Variants in SYTL2 observed in about 807,000 individuals in gnomAD.
SYTL2 encodes synaptotagmin like 2.
In SYTL2, 165 loss-of-function variants were observed where a neutral mutation model predicts 198.7. The observed-to-expected ratio is 0.83, with a 90% CI of 0.73 to 0.94. The LOEUF (loss-of-function observed/expected upper bound fraction) is 0.94, where lower values mean the gene tolerates loss of function less well. Among genes scored for constraint, SYTL2 ranks in the 40% least tolerant of loss-of-function variants. The pLI, the probability that SYTL2 is intolerant of heterozygous loss-of-function variation, is 0.00. For synonymous variants in SYTL2, 966 were observed against 917.7 expected (o/e 1.05, Z -0.95); for missense variants, 2,835 against 2,582.8 (o/e 1.10, Z -2.12).
At chr11:85,852,835 A>G in the SYTL2 span, 1 of 204,668 alleles carries the variant, frequency 4.9e-6, no homozygotes, top group South Asian at 5.0e-5. Context: ...CTGGCCGCCC[A>G]TCGTCTGGGA....
intron 1 of SYTL2, among the ~76,000 whole-genome samples, chr11:85,789,400 A>ATATATGTATATATATATATAT (rs2092698741): frequency 1.1e-5 from 1 of 89,360 alleles, no homozygotes; most frequent in Non-Finnish European, 2.1e-5. Flanking sequence ...ATATATATAT[A>ATATATGTATATATATATATAT]ATTTTTTTTT....
chr11:85,755,645 A>AT (rs1324218097), intron 2 of SYTL2, among the ~76,000 whole-genome samples: 3 of 152,148 alleles, frequency 2.0e-5, no homozygotes, highest in Non-Finnish European at 4.4e-5. Flanking sequence ...AGAACTTTGC[A>AT]TTTTTTGAGG....
At chr11:85,796,442 A>G (rs1253759089) in intron 1 of SYTL2, among the ~76,000 whole-genome samples, 2 of 152,258 alleles carry the variant, frequency 1.3e-5, no homozygotes, top group Non-Finnish European at 2.9e-5. Flanking sequence ...TCCGAGGCAA[A>G]TATTGCCCCT....
intron 10 of SYTL2, chr11:85,717,762 C>G: frequency 1.8e-6 from 1 of 557,892 alleles, no homozygotes; most frequent in Non-Finnish European, 3.4e-6. Flanking sequence ...AGCATCCTTC[C>G]TGTAATTCAC....
intron 17 of SYTL2, among the ~76,000 whole-genome samples, chr11:85,699,545 TA>T (rs375887775): frequency 9.8e-4 from 148 of 151,300 alleles, no homozygotes; most frequent in African/African-American, 3.3e-3. Flanking sequence ...AAATATGCTT[TA>T]CTTGCCCTCT....
At chr11:85,777,654 C>CA (rs1379355240) in intron 1 of SYTL2, among the ~76,000 whole-genome samples, 4 of 147,908 alleles carry the variant, frequency 2.7e-5, no homozygotes, top group African/African-American at 1.0e-4. Flanking sequence ...CACCCCCTGC[C>CA]AAAAAAAAGA....
At chr11:85,806,980 G>C (rs1262833231) in intron 1 of SYTL2, among the ~76,000 whole-genome samples, 1 of 152,266 alleles carries the variant, frequency 6.6e-6, no homozygotes, top group Non-Finnish European at 1.5e-5. Context: ...GCATCCAGGA[G>C]CACGGCGTAT....
At chr11:85,819,224 A>G in the SYTL2 span, among the ~76,000 whole-genome samples, 2 of 152,230 alleles carry the variant, frequency 1.3e-5, no homozygotes, top group Admixed American at 1.3e-4. Context: ...TCTGCTTCAG[A>G]TTATGTTACC....
the SYTL2 span, among the ~76,000 whole-genome samples, chr11:85,820,302 C>T: frequency 6.6e-6 from 1 of 152,076 alleles, no homozygotes; most frequent in Non-Finnish European, 1.5e-5. Flanking sequence ...TCTATGTAAT[C>T]CTGGGTATTT....
chr11:85,798,314 G>A (rs1305772776), intron 1 of SYTL2, among the ~76,000 whole-genome samples: 6 of 152,118 alleles, frequency 3.9e-5, no homozygotes, highest in Non-Finnish European at 7.4e-5. Flanking sequence ...TTTGGTTTAC[G>A]GAATGACAAG....
chr11:85,697,417 G>T (rs915738270), intron 18 of SYTL2, among the ~76,000 whole-genome samples: 5 of 152,088 alleles, frequency 3.3e-5, no homozygotes, highest in Middle Eastern at 3.2e-3. Context: ...AGAGAAACTA[G>T]GAGAGCATAC....
Position 85,725,388 on chromosome 11 carries a change from C to T in SYTL2, c.3970G>A (p.Val1324Met), listed in dbSNP as rs1003473346. 1.9e-6 allele frequency: 3 copies of T among 1,614,042 alleles called. No individual in the cohort carries two copies. The highest frequency in any genetic ancestry group is 2.5e-6 in the Non-Finnish European group (3 of 1,180,012). The part of the protein sequence containing the change: ...QLSRKGSFGD[V>M]ASPPQDMLFP... ...AGCATATCTTGGGGAGGGCTGGCCA[C>T]ATCCCCAAAAGAACCCTTTCTGGAA... The change falls in exon 8 of 20, where the codon GTG becomes ATG. Residue 1324 changes from valine to methionine, a missense_variant. Physicochemically the swap from Val to Met is conservative, Grantham distance 21. This residue lies in a region of SYTL2 where 2,645 missense variants were observed against 2,381.7 expected (regional missense o/e 1.11). Transcript: ENST00000359152.
chr11:85,819,197 T>C, the SYTL2 span, among the ~76,000 whole-genome samples: 1 of 152,170 alleles, frequency 6.6e-6, no homozygotes, highest in Non-Finnish European at 1.5e-5. Flanking sequence ...TTGTGCTTAC[T>C]TGTTTGCAAA....
chr11:85,806,530 A>G (rs2092960990), intron 1 of SYTL2, among the ~76,000 whole-genome samples: 1 of 152,214 alleles, frequency 6.6e-6, no homozygotes, highest in South Asian at 2.1e-4. Context: ...ATTCCCTTAA[A>G]GCAGTTTTCC....
intron 1 of SYTL2, among the ~76,000 whole-genome samples, chr11:85,795,790 G>A (rs1375349215): frequency 1.3e-5 from 2 of 152,110 alleles, no homozygotes; most frequent in African/African-American, 4.8e-5. Context: ...AGGTGAGCTG[G>A]CTCTGAAATC....
intron 2 of SYTL2, 62 bp from the exon 3 acceptor site, chr11:85,748,485 G>A: frequency 6.5e-7 from 1 of 1,546,130 alleles, no homozygotes; most frequent in Non-Finnish European, 8.9e-7. Flanking sequence ...AGTTCATTAT[G>A]ACACCGCATA....
At chr11:85,740,927 AT>A (rs1339623272) in intron 4 of SYTL2, among the ~76,000 whole-genome samples, 2 of 152,262 alleles carry the variant, frequency 1.3e-5, no homozygotes, top group African/African-American at 4.8e-5. Flanking sequence ...CCGTTTTAAA[AT>A]TATACCACAC....
At chr11:85,741,491 A>G (rs539618191) in intron 4 of SYTL2, among the ~76,000 whole-genome samples, 1 of 152,312 alleles carries the variant, frequency 6.6e-6, no homozygotes, top group African/African-American at 2.4e-5. Flanking sequence ...GATATGAGTA[A>G]ATCTGAGCTC....
At chr11:85,757,480 C>T (rs1434056164) in intron 2 of SYTL2, 145 bp downstream of exon 2, 2 of 893,592 alleles carry the variant, frequency 2.2e-6, no homozygotes, top group East Asian at 4.9e-5. Context: ...AATGTTTTGT[C>T]CAGGAAGTAA....
Sources: allele counts gnomAD v4.1 joint callset (sites outside exome capture counted in the v4.1 genomes callset), GRCh38; gene constraint gnomAD v4.1.1; regional missense constraint gnomAD v4.1.1; transcripts MANE v1.5; gene names NCBI Gene and HGNC (gene_info 2026-07-23, HGNC 2026-07-21).